Variants in ARAP2 observed in about 807,000 individuals in gnomAD.
ARAP2 encodes the protein arf-GAP with Rho-GAP domain, ANK repeat and PH domain-containing protein 2.
A neutral mutation model predicts 194.5 loss-of-function variants in ARAP2; 148 were observed. That is an observed-to-expected ratio of 0.76 (90% CI 0.67 to 0.87). The LOEUF (loss-of-function observed/expected upper bound fraction) is 0.87, where lower values mean the gene tolerates loss of function less well. ARAP2 is among the 40% of genes least tolerant of loss of function. ARAP2 has a pLI of 0.00. For missense variants in ARAP2, 2,128 were observed against 1,989.7 expected (o/e 1.07, Z -1.32); for synonymous variants, 695 against 683.5 (o/e 1.02, Z -0.26).
intron 15 of ARAP2, among the ~76,000 whole-genome samples, chr4:36,151,636 C>T (rs973326660): frequency 3.3e-5 from 5 of 152,088 alleles, no homozygotes; most frequent in Non-Finnish European, 5.9e-5. Context: ...AGCTGGATTA[C>T]TGTTCTGTGG....
chr4:36,018,325 C>A (rs1349391685), intron 6 of ARAP2, among the ~76,000 whole-genome samples: 1 of 151,986 alleles, frequency 6.6e-6, no homozygotes, highest in Non-Finnish European at 1.5e-5. Flanking sequence ...CAACCCAACC[C>A]ACTTGCTCCG....
chr4:36,100,267 T>C (rs1716498659), intron 27 of ARAP2, among the ~76,000 whole-genome samples: 1 of 152,096 alleles, frequency 6.6e-6, no homozygotes, highest in African/African-American at 2.4e-5. Context: ...TATGAACTAT[T>C]GTTATCTCTC....
rs754642257 is a variant in ARAP2 at position 36,082,221 on chromosome 4, AT to A, written c.4544+29del. ...TTCCTGAAATTGTCACCAATATATT[AT>A]GTCCAAAAGTTGTCAGCTGTTAACT... On this transcript the variant is annotated intron_variant, in intron 30 of 32. Coordinates refer to ENST00000303965, the MANE Select transcript of ARAP2 (RefSeq NM_015230.4). 38 of 1,594,266 alleles carry A rather than the reference AT, an allele frequency of 2.4e-5. 1 individual carries two copies. In the South Asian group the frequency reaches 4.3e-4, roughly 18 times the overall value.
At chr4:36,056,509 T>C (rs1723537421) in intron 2 of ARAP2, among the ~76,000 whole-genome samples, 1 of 152,216 alleles carries the variant, frequency 6.6e-6, no homozygotes, top group Non-Finnish European at 1.5e-5. Flanking sequence ...GCAGAGTATA[T>C]ATCTTTTTCA....
At chr4:36,058,120 G>C (rs1027185128) in exon 2 of ARAP2, 7 of 152,086 alleles carry the variant, frequency 4.6e-5, no homozygotes, top group African/African-American at 1.4e-4. Context: ...CCAAATGAGA[G>C]CTTGTATGCT....
In ARAP2 at chr4:36,119,736, C is replaced by A; in HGVS notation, c.3895-18G>T. The A allele has an allele frequency of 2.6e-6, 4 of 1,537,042 alleles. No individual in the cohort carries two copies. Among genetic ancestry groups the A allele is most frequent in the Non-Finnish European group, 3.6e-6 (4 of 1,116,466 alleles). Reference sequence around the variant, plus strand: ...TCTTTAACCTGTTTAAAATATAATTCGGGACATTCTAATAATGTAGAATAC... The same window carrying A: ...TCTTTAACCTGTTTAAAATATAATTAGGGACATTCTAATAATGTAGAATAC... On this transcript the variant is annotated intron_variant, in intron 23 of 32. Coordinates refer to ENST00000303965, the MANE Select transcript of ARAP2 (RefSeq NM_015230.4).
chr4:36,156,489 A>G (rs2109757464), intron 15 of ARAP2, among the ~76,000 whole-genome samples: 2 of 121,948 alleles, frequency 1.6e-5, no homozygotes, highest in African/African-American at 6.8e-5. Context: ...GAAAGAAAGA[A>G]AAAGGAAGGA....
intron 5 of ARAP2, among the ~76,000 whole-genome samples, chr4:36,026,318 T>A (rs1055873748): frequency 6.6e-6 from 1 of 152,180 alleles, no homozygotes; most frequent in African/African-American, 2.4e-5. Flanking sequence ...TTTAGTTGTA[T>A]CGAATAATCC....
chr4:36,088,778 C>T (rs1385923064), intron 28 of ARAP2, among the ~76,000 whole-genome samples: 1 of 152,044 alleles, frequency 6.6e-6, no homozygotes, highest in African/African-American at 2.4e-5. Flanking sequence ...AGCCACAGAA[C>T]AAGACAGCCA....
At chr4:36,239,001 T>C (rs1752984287) in intron 1 of ARAP2, among the ~76,000 whole-genome samples, 1 of 152,130 alleles carries the variant, frequency 6.6e-6, no homozygotes, top group Admixed American at 6.5e-5. Flanking sequence ...AGGCCAGGCA[T>C]GGTGGCTCAC....
chr4:36,201,533 T>C (rs1362229628), intron 6 of ARAP2, among the ~76,000 whole-genome samples: 2 of 152,214 alleles, frequency 1.3e-5, no homozygotes, highest in African/African-American at 4.8e-5. Flanking sequence ...TTTTTTCGAA[T>C]AATTTATTAG....
At chr4:36,011,030 A>G (rs1337335614) in intron 9 of ARAP2, among the ~76,000 whole-genome samples, 1 of 152,154 alleles carries the variant, frequency 6.6e-6, no homozygotes, top group Non-Finnish European at 1.5e-5. Flanking sequence ...TTTAAGGTCA[A>G]TTGTGTCTTG....
At position 36,191,343 on chromosome 4, in the gene ARAP2, C is replaced by T. The variant is rs375238462; in HGVS notation, c.1557+2235G>A. 2.0e-4 allele frequency among the ~76,000 whole-genome samples: 30 copies of T among 152,076 alleles called. No individual in the cohort carries two copies. The East Asian group carries it at 3.7e-3, about 19-fold the overall frequency. ...CTAATAGATCCTGTTAAAGAGAAAA[C>T]AATTCCTTAAAAAATAACCTACACA... On this transcript the variant is annotated intron_variant, in intron 7 of 32. Coordinates refer to ENST00000303965, the MANE Select transcript of ARAP2 (RefSeq NM_015230.4).
intron 27 of ARAP2, among the ~76,000 whole-genome samples, chr4:36,093,679 G>A (rs959704068): frequency 1.3e-5 from 2 of 152,150 alleles, no homozygotes; most frequent in East Asian, 3.9e-4. Context: ...TTGTTACAAC[G>A]GTGTGTAACG....
chr4:36,107,529 T>C, intron 27 of ARAP2, 36 bp downstream of exon 27: 1 of 1,568,260 alleles, frequency 6.4e-7, no homozygotes, highest in Non-Finnish European at 8.6e-7. Flanking sequence ...ACTTGAATTT[T>C]CAATCATAGC....
chr4:36,152,610 G>C (rs1296418468), intron 15 of ARAP2, among the ~76,000 whole-genome samples: 2 of 151,988 alleles, frequency 1.3e-5, no homozygotes, highest in African/African-American at 4.8e-5. Context: ...ATAATCAGCA[G>C]GTTGTCTCTT....
rs1383303564 is a variant in ARAP2, at chr4:36,150,908, T to C, written c.2889A>G (p.Leu963=). 1 of 1,612,160 alleles carries C rather than the reference T, an allele frequency of 6.2e-7. No individual in the cohort carries two copies. The highest frequency in any genetic ancestry group is 1.3e-5 in the African/African-American group (1 of 74,848). Residue 963 remains leucine (L), a synonymous_variant, in exon 16 of 33, where the codon TTA becomes TTG. Transcript: ENST00000303965. ...CLAIHKEDFY[L]NTGPIFIFEI... ...TGTAATGACAGACCTACCCAGTATT[T>C]AAATAGAAGTCCTCTTTGTGTATAG...
At chr4:36,093,743 G>A (rs2109396606) in intron 27 of ARAP2, among the ~76,000 whole-genome samples, 1 of 152,188 alleles carries the variant, frequency 6.6e-6, no homozygotes, top group South Asian at 2.1e-4. Flanking sequence ...CATAACACCT[G>A]ACAGAACGTT....
intron 5 of ARAP2, among the ~76,000 whole-genome samples, chr4:36,027,040 T>G (rs1718037632): frequency 6.6e-6 from 1 of 152,194 alleles, no homozygotes; most frequent in Non-Finnish European, 1.5e-5. Context: ...GACTTCAGCG[T>G]GGGGGACTAA....
Sources: gnomAD v4.1 joint callset for allele counts (sites outside exome capture counted in the v4.1 genomes callset) on GRCh38, gnomAD v4.1.1 for gene constraint, MANE v1.5 for transcripts, NCBI Gene and HGNC (gene_info 2026-07-23, HGNC 2026-07-21) for gene names.